BBS9: variants seen among roughly 807,000 people sequenced by gnomAD.
BBS9 encodes protein PTHB1.
A neutral mutation model predicts 117.7 loss-of-function variants in BBS9; 89 were observed. The observed-to-expected ratio is 0.76, with a 90% CI of 0.64 to 0.90. The LOEUF (loss-of-function observed/expected upper bound fraction) is 0.90. Ranked by LOEUF, BBS9 falls within the 40% of genes least tolerant of loss-of-function variation. The pLI, the probability that BBS9 is intolerant of heterozygous loss-of-function variation, is 0.00. For missense variants in BBS9, 982 were observed against 1,042.2 expected (o/e 0.94, Z 0.80); for synonymous variants, 379 against 370.9 (o/e 1.02, Z -0.25).
intron 9 of BBS9, among the ~76,000 whole-genome samples, chr7:33,307,772 CT>C (rs61014537): frequency 4.0e-4 from 58 of 145,452 alleles, no homozygotes; most frequent in African/African-American, 4.8e-4. Flanking sequence ...ATGCAGCCAT[CT>C]TTTTTTTTTT....
chr7:33,137,819 G>A (rs185839180), intron 1 of BBS9, among the ~76,000 whole-genome samples: 3 of 152,028 alleles, frequency 2.0e-5, no homozygotes, highest in East Asian at 1.9e-4. Flanking sequence ...ATAACACTTC[G>A]GACATTGGGG....
intron 20 of BBS9, among the ~76,000 whole-genome samples, chr7:33,522,018 T>C (rs1848694290): frequency 6.6e-6 from 1 of 151,114 alleles, no homozygotes; most frequent in South Asian, 2.1e-4. Context: ...GTTCTCGCGA[T>C]AGTTTACTGA....
intron 21 of BBS9, among the ~76,000 whole-genome samples, chr7:33,596,471 G>A (rs1459024916): frequency 6.6e-6 from 1 of 151,860 alleles, no homozygotes; most frequent in Non-Finnish European, 1.5e-5. Context: ...AAGTCCAAGT[G>A]AGGGCAGACT....
intron 5 of BBS9, among the ~76,000 whole-genome samples, chr7:33,225,396 G>A (rs896689937): frequency 5.3e-5 from 8 of 152,158 alleles, no homozygotes; most frequent in African/African-American, 1.9e-4. Flanking sequence ...ATGGGGTCTT[G>A]CTATGTTGCC....
intron 5 of BBS9, among the ~76,000 whole-genome samples, chr7:33,190,920 T>G (rs945561971): frequency 6.6e-6 from 1 of 152,078 alleles, no homozygotes; most frequent in Non-Finnish European, 1.5e-5. Context: ...CTGAGGACTT[T>G]GGAGGTGATC....
chr7:33,448,071 C>T (rs1837255915), intron 19 of BBS9, among the ~76,000 whole-genome samples: 1 of 152,170 alleles, frequency 6.6e-6, no homozygotes, highest in Non-Finnish European at 1.5e-5. Context: ...CAGTTCTGGC[C>T]AGTAAGTTGG....
intron 21 of BBS9, among the ~76,000 whole-genome samples, chr7:33,612,647 A>G (rs974811444): frequency 6.6e-6 from 1 of 151,826 alleles, no homozygotes; most frequent in Non-Finnish European, 1.5e-5. Flanking sequence ...TCTCTCCCTT[A>G]TCTTCTATTG....
chr7:33,295,699 A>T (rs994134395), intron 9 of BBS9, among the ~76,000 whole-genome samples: 8 of 151,980 alleles, frequency 5.3e-5, no homozygotes, highest in African/African-American at 1.9e-4. Context: ...AGAACTTAAG[A>T]TATGGTTTCT....
At chr7:33,167,045 A>C (rs1016506834) in intron 4 of BBS9, among the ~76,000 whole-genome samples, 2 of 152,158 alleles carry the variant, frequency 1.3e-5, no homozygotes, top group Admixed American at 6.5e-5. Flanking sequence ...GGATAATTTT[A>C]TCTCTTCCAT....
At chr7:33,399,001 T>C (rs1340296142) in intron 19 of BBS9, among the ~76,000 whole-genome samples, 1 of 152,244 alleles carries the variant, frequency 6.6e-6, no homozygotes, top group African/African-American at 2.4e-5. Flanking sequence ...TATTTAACTC[T>C]ATATATTCAA....
intron 5 of BBS9, among the ~76,000 whole-genome samples, chr7:33,239,417 CT>C (rs1202300139): frequency 1.9e-4 from 28 of 147,064 alleles, no homozygotes; most frequent in East Asian, 3.9e-4. Flanking sequence ...ATCTTTTTAA[CT>C]TTTTTTTTTT....
intron 5 of BBS9, among the ~76,000 whole-genome samples, chr7:33,237,080 A>G (rs1374989392): frequency 6.6e-6 from 1 of 152,200 alleles, no homozygotes; most frequent in Non-Finnish European, 1.5e-5. Context: ...AAATGAATAC[A>G]TTTTTATTAA....
At chr7:33,565,874 A>G (rs1856858022) in intron 21 of BBS9, among the ~76,000 whole-genome samples, 1 of 137,484 alleles carries the variant, frequency 7.3e-6, no homozygotes, top group Non-Finnish European at 1.6e-5. Context: ...ATATATAGCT[A>G]TAAATAAATT....
At chr7:33,184,499 A>G (rs999323540) in intron 5 of BBS9, among the ~76,000 whole-genome samples, 2 of 152,202 alleles carry the variant, frequency 1.3e-5, no homozygotes, top group Non-Finnish European at 2.9e-5. Context: ...GAAGAACTCT[A>G]ACCTTCCTAA....
At chr7:33,457,917 T>C (rs2128928415) in intron 19 of BBS9, among the ~76,000 whole-genome samples, 1 of 152,220 alleles carries the variant, frequency 6.6e-6, no homozygotes, top group Admixed American at 6.6e-5. Context: ...TCAATAAAAG[T>C]CCGAAGAGGT....
intron 21 of BBS9, among the ~76,000 whole-genome samples, chr7:33,613,947 C>CT (rs1246401766): frequency 6.6e-6 from 1 of 152,084 alleles, no homozygotes; most frequent in Non-Finnish European, 1.5e-5. Context: ...ACCATACACT[C>CT]TGTTTCTGCA....
chr7:33,618,867 TG>T, intron 21 of BBS9, among the ~76,000 whole-genome samples: 1 of 151,742 alleles, frequency 6.6e-6, no homozygotes, highest in East Asian at 1.9e-4. Context: ...AGACCTGTAG[TG>T]GGTACACAAA....
chr7:33,174,607 G>A (rs1421544150), intron 4 of BBS9, among the ~76,000 whole-genome samples: 4 of 152,198 alleles, frequency 2.6e-5, no homozygotes, highest in Non-Finnish European at 5.9e-5. Flanking sequence ...GCCAAAACTC[G>A]ATGATTGGCA....
At position 33,174,155 on chromosome 7, in the gene BBS9, C is replaced by T. The variant is rs114132906; in HGVS notation, c.329-3323C>T. Among the ~76,000 whole-genome samples the T allele has an allele frequency of 2.5e-3, 380 of 152,254 alleles. 4 individuals carry two copies. The highest frequency in any genetic ancestry group is 8.4e-3 in the African/African-American group (350 of 41,542). On this transcript the variant is annotated intron_variant, in intron 4 of 22. Coordinates refer to ENST00000242067, the MANE Select transcript of BBS9 (RefSeq NM_198428.3). ...AAACCCAGTTTGGATCAGAAATTTG[C>T]TCAAAGAAACTAGGAGAGCTCAAAA...
Sources: allele counts gnomAD v4.1 joint callset (sites outside exome capture counted in the v4.1 genomes callset), GRCh38; gene constraint gnomAD v4.1.1; transcripts MANE v1.5; gene names NCBI Gene and HGNC (gene_info 2026-07-23, HGNC 2026-07-21).